Variants in OSBP2 observed in about 807,000 individuals in gnomAD.
OSBP2 encodes oxysterol-binding protein 2.
In OSBP2, 66 loss-of-function variants were observed where a neutral mutation model predicts 96.0. The ratio of observed to expected loss-of-function variants is 0.69; its 90% CI spans 0.56 to 0.84. The LOEUF (loss-of-function observed/expected upper bound fraction) is 0.84. Ranked by LOEUF, OSBP2 falls within the 40% of genes least tolerant of loss-of-function variation. The pLI is 0.00. For synonymous variants in OSBP2, 525 were observed against 520.9 expected (o/e 1.01, Z -0.11); for missense variants, 1,038 against 1,222.7 (o/e 0.85, Z 2.25).
At chr22:30,794,414 G>A (rs980128367) in intron 2 of OSBP2, among the ~76,000 whole-genome samples, 22 of 151,812 alleles carry the variant, frequency 1.4e-4, no homozygotes, top group Middle Eastern at 3.4e-3. Context: ...ACAGGCGCCC[G>A]ACATCATGTC....
At chr22:30,781,167 C>T (rs136304) in intron 2 of OSBP2, among the ~76,000 whole-genome samples, 26,115 of 146,360 alleles carry the variant, frequency 0.18, 2,400 homozygotes, top group Middle Eastern at 0.24. Context: ...TTTTTAGTAG[C>T]GATGGGGTTT....
Position 30,778,169 on chromosome 22 carries a change from C to CTTTTTTTTTTTTTTTTT in OSBP2, c.853+36800_853+36801insTTTTTTTTTTTTTTTTT, listed in dbSNP as rs1569119423. Among the ~76,000 whole-genome samples the CTTTTTTTTTTTTTTTTT allele has an allele frequency of 1.9e-4, 24 of 124,178 alleles. 2 individuals carry two copies. The highest frequency in any genetic ancestry group is 2.2e-4 in the Non-Finnish European group (13 of 59,942). 81.5% of individuals were successfully genotyped at this position (124,178 alleles called of 152,430 possible). ...ACCAGCATGCCCGGCTAATTTTTGC[C>CTTTTTTTTTTTTTTTTT]CTTTTTTTTTTTTTTTTTTTTAGTA... On this transcript the variant is annotated intron_variant, in intron 2 of 13. Coordinates refer to ENST00000332585, the MANE Select transcript of OSBP2 (RefSeq NM_030758.4).
At chr22:30,704,682 T>G (rs1225133521) in intron 1 of OSBP2, among the ~76,000 whole-genome samples, 1 of 152,118 alleles carries the variant, frequency 6.6e-6, no homozygotes, top group Non-Finnish European at 1.5e-5. Context: ...GCCAGGCTGG[T>G]CTCGAACTCC....
chr22:30,790,947 A>C (rs1193070885), intron 2 of OSBP2, among the ~76,000 whole-genome samples: 1 of 152,078 alleles, frequency 6.6e-6, no homozygotes, highest in Admixed American at 6.6e-5. Context: ...CCCTGTTTCA[A>C]ACTTCTCTTT....
At chr22:30,794,498 C>T (rs905431111) in intron 2 of OSBP2, among the ~76,000 whole-genome samples, 3 of 151,852 alleles carry the variant, frequency 2.0e-5, no homozygotes, top group Non-Finnish European at 4.4e-5. Context: ...CTCCTGACCT[C>T]GAGTGATCCG....
At chr22:30,694,320 G>A, upstream of OSBP2, 2 of 1,548,150 alleles carry the variant, frequency 1.3e-6, no homozygotes, top group Non-Finnish European at 1.7e-6. Context: ...CGCTTCTGGC[G>A]GCCGCAGGAG....
At position 30,881,973 on chromosome 22, in the gene OSBP2, C is replaced by T. The variant is rs935899402; in HGVS notation, c.1108-5453C>T. On this transcript the variant is annotated intron_variant, in intron 3 of 13. Transcript: ENST00000332585. This position sits in a 1 kb window ranked among gnomAD's most constrained non-coding sequence, Gnocchi z 4.5. ...GCTTTTAGGTGACTGTGACACTCTA[C>T]GACCTGCATGTGCCCAGCCTAGGCA... Among the ~76,000 whole-genome samples, 3 of 152,172 alleles carry T rather than the reference C, an allele frequency of 2.0e-5. No individual in the cohort carries two copies. Among genetic ancestry groups the T allele is most frequent in the Admixed American group, 6.5e-5 (1 of 15,284 alleles).
chr22:30,779,905 C>T (rs2090493057), intron 2 of OSBP2, among the ~76,000 whole-genome samples: 1 of 152,194 alleles, frequency 6.6e-6, no homozygotes, highest in Admixed American at 6.5e-5. Context: ...TGGGCAGCCC[C>T]TGCCCTTTGT....
At chr22:30,761,332 T>G (rs943960900) in intron 2 of OSBP2, among the ~76,000 whole-genome samples, 1 of 152,148 alleles carries the variant, frequency 6.6e-6, no homozygotes, top group African/African-American at 2.4e-5. Flanking sequence ...TAACAAAAAA[T>G]TTTTAAAAAT....
intron 1 of OSBP2, among the ~76,000 whole-genome samples, chr22:30,718,490 G>A (rs2145699557): frequency 6.6e-6 from 1 of 152,366 alleles, no homozygotes; most frequent in East Asian, 1.9e-4. Context: ...AAGATGACCT[G>A]TATGCTTGGC....
At chr22:30,880,638 G>A (rs1035608891) in intron 3 of OSBP2, among the ~76,000 whole-genome samples, 8 of 152,222 alleles carry the variant, frequency 5.3e-5, no homozygotes, top group African/African-American at 1.9e-4. Context: ...CCAAGAGCCT[G>A]AGAGGCTGCC....
rs56875088 is a variant in OSBP2, at chr22:30,856,373, CTTTTTTTTTTT to C, written c.854-14036_854-14026del. Among the ~76,000 whole-genome samples, 161 of 101,424 alleles carry C rather than the reference CTTTTTTTTTTT, an allele frequency of 1.6e-3. 1 individual carries two copies. The highest frequency in any genetic ancestry group is 3.2e-3 in the Admixed American group (28 of 8,780). 66.5% of individuals were successfully genotyped at this position (101,424 alleles called of 152,430 possible). ...CTTGGCAGTTGGAAACAGAGCCCTT[CTTTTTTTTTTT>C]TTTTTTTTTTTTTTTTTTTGGAGAC... is the stretch of plus-strand genomic sequence containing the variant. On this transcript the variant is annotated intron_variant, in intron 2 of 13. Coordinates refer to ENST00000332585, the MANE Select transcript of OSBP2 (RefSeq NM_030758.4).
chr22:30,812,187 A>T (rs938341680), intron 2 of OSBP2, among the ~76,000 whole-genome samples: 1 of 151,790 alleles, frequency 6.6e-6, no homozygotes, highest in Non-Finnish European at 1.5e-5. Flanking sequence ...TTTATTTTTG[A>T]GACAGCCTCG....
chr22:30,833,419 A>G (rs1279954715), intron 2 of OSBP2, among the ~76,000 whole-genome samples: 1 of 152,256 alleles, frequency 6.6e-6, no homozygotes. Context: ...ACCACAAATA[A>G]TACTAGCTAC....
At position 30,906,608 on chromosome 22, in the gene OSBP2, G is replaced by C. The variant is rs541439048; in HGVS notation, c.*269G>C. The C allele has an allele frequency of 2.7e-4, 91 of 341,110 alleles. 1 individual carries two copies. The highest frequency in any genetic ancestry group is 4.2e-4 in the Non-Finnish European group (81 of 190,694). The allele number at this position is 341,110 out of a possible 1,614,324, so 21.1% of individuals were successfully genotyped here. ...GGGCCCTACCGGAACCCCTGCCCCA[G>C]TTACCACAACTCAGGCCGGCTGGCC... On this transcript the variant is annotated 3_prime_UTR_variant, in exon 14 of 14. Transcript: ENST00000332585.
chr22:30,815,769 ATCC>A (rs2091076263), intron 2 of OSBP2, among the ~76,000 whole-genome samples: 1 of 152,060 alleles, frequency 6.6e-6, no homozygotes, highest in South Asian at 2.1e-4. Flanking sequence ...CCAAAAGGCC[ATCC>A]TCTATCTTTT....
intron 2 of OSBP2, among the ~76,000 whole-genome samples, chr22:30,748,037 C>T (rs1024947223): frequency 3.3e-5 from 5 of 151,774 alleles, no homozygotes; most frequent in Non-Finnish European, 7.4e-5. Flanking sequence ...CCACCACACC[C>T]AGCTAATTTT....
At chr22:30,891,033 G>T (rs982487985) in intron 8 of OSBP2, 60 bp downstream of exon 8, 85 of 1,563,372 alleles carry the variant, frequency 5.4e-5, no homozygotes, top group Non-Finnish European at 8.6e-6. Context: ...AGCTGTTCCT[G>T]CCAGGCCCAA....
chr22:30,795,747 G>T (rs1350695770), intron 2 of OSBP2, among the ~76,000 whole-genome samples: 1 of 152,010 alleles, frequency 6.6e-6, no homozygotes, highest in Non-Finnish European at 1.5e-5. Context: ...TCAAACTCCC[G>T]ACCTCAGGTG....
Sources: gnomAD v4.1 joint callset for allele counts (sites outside exome capture counted in the v4.1 genomes callset) on GRCh38, gnomAD v4.1.1 for gene constraint, Gnocchi (gnomAD v3.1) non-coding constraint, MANE v1.5 for transcripts, NCBI Gene and HGNC (gene_info 2026-07-23, HGNC 2026-07-21) for gene names.